The following TMEM120B variants were observed in gnomAD, a reference collection of about 807,000 sequenced individuals.
TMEM120B encodes transmembrane protein 120B.
TMEM120B carries 31 observed loss-of-function variants against 55.5 expected under a neutral mutation model. The ratio of observed to expected loss-of-function variants is 0.56; its 90% CI spans 0.42 to 0.75. The LOEUF is 0.75. Among genes scored for constraint, TMEM120B ranks in the 30% least tolerant of loss-of-function variants. The probability of loss-of-function intolerance (pLI) is 0.00; values close to 1 mark genes in which losing one functional copy is unlikely to be tolerated. For synonymous variants in TMEM120B, 203 were observed against 176.3 expected (o/e 1.15, Z -1.20); for missense variants, 399 against 425.5 (o/e 0.94, Z 0.55).
At chr12:121,771,072 C>A in intron 7 of TMEM120B, 100 bp downstream of exon 7, 1 of 1,309,828 alleles carries the variant, frequency 7.6e-7, no homozygotes, top group Non-Finnish European at 1.1e-6. Context: ...GGGGGGTGTG[C>A]TCCAGGGCCA....
chr12:121,764,216 TAATTAAAA>T (rs1177523224), intron 6 of TMEM120B, among the ~76,000 whole-genome samples: 1 of 150,778 alleles, frequency 6.6e-6, no homozygotes, highest in Non-Finnish European at 1.5e-5. Context: ...TAGTCCCAGC[TAATTAAAA>T]AATTAACCAG....
chr12:121,754,078 C>T (rs1592940143), intron 5 of TMEM120B, among the ~76,000 whole-genome samples: 1 of 152,226 alleles, frequency 6.6e-6, no homozygotes, highest in South Asian at 2.1e-4. Context: ...ATGTGCCAAG[C>T]GTTTATTGCC....
chr12:121,734,265 T>G (rs1427031306), intron 1 of TMEM120B, among the ~76,000 whole-genome samples: 1 of 151,772 alleles, frequency 6.6e-6, no homozygotes, highest in Non-Finnish European at 1.5e-5. Flanking sequence ...TCTTTCTTTT[T>G]CTTTTTTTTT....
intron 5 of TMEM120B, among the ~76,000 whole-genome samples, chr12:121,752,639 G>A (rs950224472): frequency 2.0e-5 from 3 of 152,174 alleles, no homozygotes; most frequent in Admixed American, 2.0e-4. Flanking sequence ...TTTAGTCCCA[G>A]CTACTCGGAA....
intron 6 of TMEM120B, among the ~76,000 whole-genome samples, chr12:121,770,419 G>A (rs1044622669): frequency 6.6e-6 from 1 of 152,138 alleles, no homozygotes; most frequent in Non-Finnish European, 1.5e-5. Context: ...TAAGGTGCTG[G>A]GGGGCTCAGC....
chr12:121,780,002 TC>T lies in TMEM120B; in HGVS notation c.*4282del, dbSNP rs1227311483. ...TGGAGGCCTCAAGACAGAAAGGACT[TC>T]CAGCCACCTCTCTCCCTTCTCTGAA... On this transcript the variant is annotated 3_prime_UTR_variant, in exon 12 of 12. Coordinates refer to ENST00000449592, the MANE Select transcript of TMEM120B (RefSeq NM_001080825.2). 4.1e-5 allele frequency: 10 copies of T among 243,564 alleles called. No homozygotes were observed. The Middle Eastern group carries it at 2.1e-3, about 52-fold the overall frequency. 15.1% of individuals were successfully genotyped at this position (243,564 alleles called of 1,614,324 possible). A position where few individuals can be genotyped will look rare whatever the true frequency, so the allele number is the denominator to read the frequency against.
At chr12:121,766,713 G>T (rs560295748) in intron 6 of TMEM120B, among the ~76,000 whole-genome samples, 1 of 152,214 alleles carries the variant, frequency 6.6e-6, no homozygotes, top group African/African-American at 2.4e-5. Flanking sequence ...GAGTGTGGGG[G>T]TGAGGTGGTT....
Position 121,779,654 on chromosome 12 carries a change from G to T in TMEM120B, c.*3932G>T. ...GAGCAGCTCGGATCTGTTCGCAGGCGCTCAGGCCCTGGGTGGGGGGAGGAG... is the reference window on the plus strand; with the variant it reads ...GAGCAGCTCGGATCTGTTCGCAGGCTCTCAGGCCCTGGGTGGGGGGAGGAG... On this transcript the variant is annotated 3_prime_UTR_variant, in exon 12 of 12. Coordinates refer to ENST00000449592, the MANE Select transcript of TMEM120B (RefSeq NM_001080825.2). 1.2e-6 allele frequency: 2 copies of T among 1,613,906 alleles called. No homozygotes were observed. The highest frequency in any genetic ancestry group is 8.5e-7 in the Non-Finnish European group (1 of 1,179,870).
rs778076286 is a variant in TMEM120B, at chr12:121,776,107, C to T, written c.*385C>T. On this transcript the variant is annotated 3_prime_UTR_variant, in exon 12 of 12. Coordinates refer to ENST00000449592, the MANE Select transcript of TMEM120B (RefSeq NM_001080825.2). ...CTCGCGGGGTTGGATTTATGCTGAC[C>T]TGCTACTTACCAGGCCCAGGCTGGG... 4.1e-6 allele frequency: 2 copies of T among 488,310 alleles called. No homozygotes were observed. 30.2% of individuals were successfully genotyped at this position (488,310 alleles called of 1,614,324 possible).
At chr12:121,754,817 T>C (rs1200049513) in intron 5 of TMEM120B, among the ~76,000 whole-genome samples, 2 of 152,196 alleles carry the variant, frequency 1.3e-5, no homozygotes, top group Non-Finnish European at 2.9e-5. Flanking sequence ...CCAGTACACC[T>C]TCTATAGGCT....
At position 121,748,444 on chromosome 12, in the gene TMEM120B, T is replaced by TAGG. The variant is rs1382474471; in HGVS notation, c.305+5_305+7dup. The TAGG allele has an allele frequency of 1.2e-6, 2 of 1,601,104 alleles. No homozygotes were observed. Among genetic ancestry groups the TAGG allele is most frequent in the Non-Finnish European group, 1.7e-6 (2 of 1,171,330 alleles). On this transcript the variant is annotated splice_region_variant and intron_variant, in intron 3 of 11. Coordinates refer to ENST00000449592, the MANE Select transcript of TMEM120B (RefSeq NM_001080825.2). ...GGCCTACCTGCCCAAGAAGAACGGG[T>TAGG]AGGAGCTGGCAACCTCCCCACCCCT...
intron 5 of TMEM120B, among the ~76,000 whole-genome samples, chr12:121,756,604 G>A (rs1378669138): frequency 6.6e-6 from 1 of 152,130 alleles, no homozygotes; most frequent in Admixed American, 6.6e-5. Flanking sequence ...TCATAAAAGG[G>A]AGGGAACCCC....
chr12:121,740,269 G>A (rs1458376108), intron 1 of TMEM120B, among the ~76,000 whole-genome samples: 2 of 152,100 alleles, frequency 1.3e-5, no homozygotes, highest in Non-Finnish European at 2.9e-5. Flanking sequence ...TGAATCATCT[G>A]AGTTTGGGAG....
intron 1 of TMEM120B, among the ~76,000 whole-genome samples, chr12:121,739,815 T>C (rs1269750698): frequency 6.7e-6 from 1 of 148,344 alleles, no homozygotes; most frequent in African/African-American, 2.5e-5. Flanking sequence ...TTTTTTTTTT[T>C]TTTTTTGAGA....
chr12:121,774,454 G>C (rs1231254315), intron 9 of TMEM120B, among the ~76,000 whole-genome samples: 1 of 152,240 alleles, frequency 6.6e-6, no homozygotes, highest in Middle Eastern at 3.2e-3. Flanking sequence ...CTTGAAGAGA[G>C]AGAGCAGTCA....
At chr12:121,771,200 G>A (rs1029818143) in intron 7 of TMEM120B, among the ~76,000 whole-genome samples, 3 of 152,188 alleles carry the variant, frequency 2.0e-5, no homozygotes, top group African/African-American at 7.2e-5. Flanking sequence ...GAGGTAGCGG[G>A]GCTGCAAGGC....
intron 6 of TMEM120B, among the ~76,000 whole-genome samples, chr12:121,766,885 A>C (rs1439286108): frequency 6.6e-6 from 1 of 152,168 alleles, no homozygotes; most frequent in African/African-American, 2.4e-5. Flanking sequence ...GCCTGCCTCC[A>C]ACTGGCTTTT....
chr12:121,712,835 G>C lies in TMEM120B; in HGVS notation c.-61G>C. 2 of 1,272,650 alleles carry C rather than the reference G, an allele frequency of 1.6e-6. No individual in the cohort carries two copies. The highest frequency in any genetic ancestry group is 2.0e-6 in the Non-Finnish European group (2 of 985,256). The allele number at this position is 1,272,650 out of a possible 1,614,324, so 78.8% of individuals were successfully genotyped here. A position where few individuals can be genotyped will look rare whatever the true frequency, so the allele number is the denominator to read the frequency against. ...GAGCGCGCGGGCGTGGGGCGCTGGG[G>C]GGCCGGTCGGGCAGCGCTGCGGGAG... On this transcript the variant is annotated 5_prime_UTR_variant, in exon 1 of 12. Coordinates refer to ENST00000449592, the MANE Select transcript of TMEM120B (RefSeq NM_001080825.2).
Position 121,775,051 on chromosome 12 carries a change from T to G in TMEM120B, c.838-11T>G. The G allele has an allele frequency of 6.2e-7, 1 of 1,613,024 alleles. No individual in the cohort carries two copies. Among genetic ancestry groups the G allele is most frequent in the Non-Finnish European group, 8.5e-7 (1 of 1,179,698 alleles). On this transcript the variant is annotated splice_polypyrimidine_tract_variant and intron_variant, in intron 10 of 11. Coordinates refer to ENST00000449592, the MANE Select transcript of TMEM120B (RefSeq NM_001080825.2). This position sits in a 1 kb window ranked among gnomAD's most constrained non-coding sequence, Gnocchi z 4.3. ...GTCTGGTGGGTGAGCAGCGCCTGCC[T>G]TCCTCTCCAGTTCTGGCAGCTCTAC...
Sources: allele counts gnomAD v4.1 joint callset (sites outside exome capture counted in the v4.1 genomes callset), GRCh38; gene constraint gnomAD v4.1.1; non-coding constraint Gnocchi (gnomAD v3.1); transcripts MANE v1.5; gene names NCBI Gene and HGNC (gene_info 2026-07-23, HGNC 2026-07-21).